Variants in TBC1D32 observed in about 807,000 individuals in gnomAD.
TBC1D32 encodes TBC1 domain family member 32.
In TBC1D32, 151 loss-of-function variants were observed where a neutral mutation model predicts 170.3. That is an observed-to-expected ratio of 0.89 (90% CI 0.78 to 1.01). The LOEUF (loss-of-function observed/expected upper bound fraction) is 1.01, where lower values mean the gene tolerates loss of function less well. Ranked by LOEUF, TBC1D32 falls within the 50% of genes least tolerant of loss-of-function variation. The pLI is 0.00. For missense variants in TBC1D32, 1,464 were observed against 1,457.1 expected (o/e 1.00, Z -0.08); for synonymous variants, 498 against 488.0 (o/e 1.02, Z -0.27).
chr6:121,160,271 T>C (rs1294395662), intron 23 of TBC1D32, among the ~76,000 whole-genome samples, 168 bp from the exon 24 acceptor site: 3 of 152,306 alleles, frequency 2.0e-5, no homozygotes, highest in Non-Finnish European at 4.4e-5. Context: ...AATATTCCAA[T>C]GGGTAATACT....
chr6:121,241,557 C>G lies in TBC1D32; in HGVS notation c.2158-5G>C, dbSNP rs1249249398. On this transcript the variant is annotated splice_region_variant and splice_polypyrimidine_tract_variant and intron_variant, in intron 18 of 31. Coordinates refer to ENST00000398212, the MANE Select transcript of TBC1D32 (RefSeq NM_152730.6). Reference sequence around the variant, plus strand: ...AAATTTTTTATGCCTGCTGACCTAACAGCATAAATAAGGAACAGCAATGAA... The same window carrying G: ...AAATTTTTTATGCCTGCTGACCTAAGAGCATAAATAAGGAACAGCAATGAA... 2 of 1,611,922 alleles carry G rather than the reference C, an allele frequency of 1.2e-6. No homozygotes were observed. Among genetic ancestry groups the G allele is most frequent in the African/African-American group, 1.3e-5 (1 of 74,854 alleles).
chr6:121,192,199 G>A (rs1790171540), intron 22 of TBC1D32, among the ~76,000 whole-genome samples: 1 of 151,814 alleles, frequency 6.6e-6, no homozygotes, highest in South Asian at 2.1e-4. Flanking sequence ...GGTTTCTGGA[G>A]TTGGCTGCTT....
rs113179420 is a variant in TBC1D32, at chr6:121,149,505, A to C, written c.2773+10505T>G. 4.7e-3 allele frequency among the ~76,000 whole-genome samples: 712 copies of C among 152,296 alleles called. 6 individuals are homozygous for C. Among genetic ancestry groups the C allele is most frequent in the African/African-American group, 0.016 (660 of 41,552 alleles). ...TCCAGTTTTCTCAATACCATTTATT[A>C]AATAGGGAATCCTTTCCCCATTTCT... On this transcript the variant is annotated intron_variant, in intron 24 of 31. Coordinates refer to ENST00000398212, the MANE Select transcript of TBC1D32 (RefSeq NM_152730.6).
chr6:121,126,251 T>C (rs981703723), intron 26 of TBC1D32, 127 bp downstream of exon 26: 5 of 623,522 alleles, frequency 8.0e-6, no homozygotes, highest in African/African-American at 7.4e-5. Flanking sequence ...ATCTGGAATG[T>C]ATATGGCACC....
intron 1 of TBC1D32, among the ~76,000 whole-genome samples, chr6:121,330,613 C>G (rs1400301807): frequency 1.3e-5 from 2 of 152,180 alleles, no homozygotes; most frequent in Non-Finnish European, 2.9e-5. Context: ...ATTCTGAGGT[C>G]TCAACTCTAA....
intron 17 of TBC1D32, among the ~76,000 whole-genome samples, chr6:121,249,036 T>C (rs1455335695): frequency 6.6e-6 from 1 of 151,658 alleles, no homozygotes; most frequent in African/African-American, 2.4e-5. Flanking sequence ...TAAACACAGA[T>C]GCAAAAAAAT....
chr6:121,231,628 G>T (rs1795750011), intron 20 of TBC1D32, among the ~76,000 whole-genome samples: 1 of 151,964 alleles, frequency 6.6e-6, no homozygotes, highest in South Asian at 2.1e-4. Context: ...CAGGAATAAG[G>T]TGGTATCACA....
At chr6:121,170,401 T>C (rs1344884132) in intron 22 of TBC1D32, 1 of 1,598,100 alleles carries the variant, frequency 6.3e-7, no homozygotes, top group South Asian at 1.1e-5. Context: ...TCACCCATTT[T>C]TACCTGTGGC....
intron 17 of TBC1D32, among the ~76,000 whole-genome samples, chr6:121,251,397 C>A (rs1344753413): frequency 6.6e-6 from 1 of 151,908 alleles, no homozygotes; most frequent in Non-Finnish European, 1.5e-5. Context: ...TCAGAGATAA[C>A]ACCACATATC....
intron 21 of TBC1D32, among the ~76,000 whole-genome samples, chr6:121,212,855 A>G (rs1793267889): frequency 6.6e-6 from 1 of 152,198 alleles, no homozygotes; most frequent in African/African-American, 2.4e-5. Context: ...ATCCACCACC[A>G]TCAGGTAGGC....
rs1008783715 is a variant in TBC1D32 at position 121,095,744 on chromosome 6, C to T, written c.3466-4703G>A. ...GTGATGGATTACATTTATTGATTTGCGTATGTTGAACCAGTCTTGCATCCC... is the reference window on the plus strand; with the variant it reads ...GTGATGGATTACATTTATTGATTTGTGTATGTTGAACCAGTCTTGCATCCC... On this transcript the variant is annotated intron_variant, in intron 30 of 31. Coordinates refer to ENST00000398212, the MANE Select transcript of TBC1D32 (RefSeq NM_152730.6). 2.6e-5 allele frequency among the ~76,000 whole-genome samples: 4 copies of T among 152,064 alleles called. No homozygotes were observed. The East Asian group carries it at 5.8e-4, about 22-fold the overall frequency.
intron 20 of TBC1D32, among the ~76,000 whole-genome samples, chr6:121,229,235 T>A (rs1292634595): frequency 6.6e-6 from 1 of 152,008 alleles, no homozygotes; most frequent in East Asian, 1.9e-4. Flanking sequence ...TTTTCAAAGG[T>A]TTTCTTGTGG....
chr6:121,314,856 T>C (rs1195368386), intron 3 of TBC1D32, among the ~76,000 whole-genome samples: 1 of 152,204 alleles, frequency 6.6e-6, no homozygotes, highest in Non-Finnish European at 1.5e-5. Context: ...ATGGTGTCCA[T>C]TTCAGCATTC....
chr6:121,139,187 G>T (rs951566675), intron 24 of TBC1D32, among the ~76,000 whole-genome samples: 1 of 152,024 alleles, frequency 6.6e-6, no homozygotes, highest in East Asian at 1.9e-4. Context: ...CATGCCTAGG[G>T]GATTCTATTT....
intron 11 of TBC1D32, among the ~76,000 whole-genome samples, chr6:121,293,134 CA>C (rs111705802): frequency 9.5e-4 from 120 of 125,958 alleles, no homozygotes; most frequent in Non-Finnish European, 1.0e-3. Flanking sequence ...AAAAACATGG[CA>C]AAAAAAAAAA....
At chr6:121,267,998 C>T (rs1405172983) in intron 15 of TBC1D32, among the ~76,000 whole-genome samples, 1 of 152,176 alleles carries the variant, frequency 6.6e-6, no homozygotes, top group Non-Finnish European at 1.5e-5. Context: ...CAAACAGCGT[C>T]TGGAGTGGAC....
At chr6:121,199,385 T>C (rs1357550073) in intron 22 of TBC1D32, among the ~76,000 whole-genome samples, 6 of 151,094 alleles carry the variant, frequency 4.0e-5, no homozygotes, top group African/African-American at 1.5e-4. Context: ...AACACTCCTA[T>C]TTTTCAAAAA....
chr6:121,100,523 G>A (rs879381936), intron 30 of TBC1D32, among the ~76,000 whole-genome samples: 75 of 152,078 alleles, frequency 4.9e-4, no homozygotes, highest in Admixed American at 3.4e-3. Flanking sequence ...AAATAAAGAT[G>A]TTCTTTGAAA....
intron 21 of TBC1D32, among the ~76,000 whole-genome samples, chr6:121,214,930 G>A (rs1793627878): frequency 6.6e-6 from 1 of 152,206 alleles, no homozygotes; most frequent in Admixed American, 6.5e-5. Flanking sequence ...GAGACCAGAA[G>A]TGGGTAAAGA....
Sources: gnomAD v4.1 joint callset for allele counts (sites outside exome capture counted in the v4.1 genomes callset) on GRCh38, gnomAD v4.1.1 for gene constraint, MANE v1.5 for transcripts, NCBI Gene and HGNC (gene_info 2026-07-23, HGNC 2026-07-21) for gene names.